The following BCO2 variants were observed in gnomAD, a reference collection of about 807,000 sequenced individuals.
BCO2 encodes carotenoid-cleaving dioxygenase, mitochondrial.
A neutral mutation model predicts 65.8 loss-of-function variants in BCO2; 56 were observed. That is an observed-to-expected ratio of 0.85 (90% CI 0.69 to 1.06). BCO2 has a LOEUF of 1.06. BCO2 is among the 50% of genes least tolerant of loss of function. The probability of loss-of-function intolerance (pLI) is 0.00; values close to 1 mark genes in which losing one functional copy is unlikely to be tolerated. For missense variants in BCO2, 675 were observed against 698.5 expected, an observed-to-expected ratio of 0.97 and a Z score of 0.38; for synonymous variants, 233 against 242.3, an observed-to-expected ratio of 0.96 and a Z score of 0.36.
chr11:112,213,688 A>G, intron 8 of BCO2, 36 bp from the exon 9 acceptor site: 1 of 1,601,470 alleles, frequency 6.2e-7, no homozygotes, highest in Non-Finnish European at 8.5e-7. Context: ...TTACCATATG[A>G]ATGACAATTT....
chr11:112,195,881 G>A (rs1867559735), intron 5 of BCO2, among the ~76,000 whole-genome samples: 1 of 152,218 alleles, frequency 6.6e-6, no homozygotes, highest in Non-Finnish European at 1.5e-5. Flanking sequence ...GAACTGAAAA[G>A]GGGCCAAGAA....
rs1249512722 is a variant in BCO2, at chr11:112,202,136, C to T, written c.1140C>T (p.Thr380=). 7 of 1,613,830 alleles carry T rather than the reference C, an allele frequency of 4.3e-6. No individual in the cohort carries two copies. Among genetic ancestry groups the T allele is most frequent in the Middle Eastern group, 1.6e-4 (1 of 6,062 alleles). Reference sequence around the variant, plus strand: ...TGTGCTGTCAAGATAATGGAAGAACCCTAGAAGTTTACCAGTTACAGAATC... The same window carrying T: ...TGTGCTGTCAAGATAATGGAAGAACTCTAGAAGTTTACCAGTTACAGAATC... ...IDLCCQDNGR[T]LEVYQLQNLR... The change falls in exon 8 of 12, where the codon ACC becomes ACT. Residue 380 remains threonine (T), a synonymous_variant. Coordinates refer to ENST00000357685, the MANE Select transcript of BCO2 (RefSeq NM_031938.7).
chr11:112,207,996 G>C (rs1055223560), intron 8 of BCO2, among the ~76,000 whole-genome samples: 1 of 145,984 alleles, frequency 6.9e-6, no homozygotes, highest in Non-Finnish European at 1.5e-5. Context: ...GTCTCACTCT[G>C]TCACCAAGGC....
At position 112,175,526 on chromosome 11, in the gene BCO2, G is replaced by A; in HGVS notation, c.-76G>A. On this transcript the variant is annotated 5_prime_UTR_variant, in exon 1 of 12. In the 5' UTR this introduces an upstream ATG that the reference lacks. Coordinates refer to ENST00000357685, the MANE Select transcript of BCO2 (RefSeq NM_031938.7). ...AGGGACAGTCCAGGCAGTTCTGTGC[G>A]TGTTCACTGTTTAGTAGTACTCAAA... The A allele has an allele frequency of 9.5e-7, 1 of 1,050,608 alleles. No homozygotes were observed. Among genetic ancestry groups the A allele is most frequent in the Non-Finnish European group, 1.5e-6 (1 of 674,670 alleles). 65.1% of individuals were successfully genotyped at this position (1,050,608 alleles called of 1,614,324 possible). A position where few individuals can be genotyped will look rare whatever the true frequency, so the allele number is the denominator to read the frequency against.
chr11:112,211,912 C>T (rs1477321234), intron 8 of BCO2, among the ~76,000 whole-genome samples: 2 of 152,120 alleles, frequency 1.3e-5, no homozygotes, highest in Non-Finnish European at 2.9e-5. Context: ...GTAGTTGATC[C>T]ATATAATGTA....
At chr11:112,192,657 C>T (rs1867423678) in intron 2 of BCO2, among the ~76,000 whole-genome samples, 2 of 146,514 alleles carry the variant, frequency 1.4e-5, no homozygotes, top group African/African-American at 5.0e-5. Flanking sequence ...AGCTTAGGAA[C>T]TTGTTCTTTT....
chr11:112,181,569 T>C (rs1260255905), intron 2 of BCO2: 1 of 753,080 alleles, frequency 1.3e-6, no homozygotes, highest in African/African-American at 1.7e-5. Flanking sequence ...ATGATAGCAT[T>C]AATTTATTAG....
At chr11:112,191,009 T>C (rs1254743235) in intron 2 of BCO2, among the ~76,000 whole-genome samples, 1 of 150,674 alleles carries the variant, frequency 6.6e-6, no homozygotes, top group Non-Finnish European at 1.5e-5. Context: ...TCTCTATCTA[T>C]TATATCTTGG....
chr11:112,210,667 C>A (rs528384803), intron 8 of BCO2, among the ~76,000 whole-genome samples: 2 of 152,074 alleles, frequency 1.3e-5, no homozygotes, highest in South Asian at 4.1e-4. Flanking sequence ...CGTGAAGGAT[C>A]CTTGTGGTGA....
At chr11:112,217,170 G>A (rs1388095177) in intron 11 of BCO2, among the ~76,000 whole-genome samples, 1 of 152,234 alleles carries the variant, frequency 6.6e-6, no homozygotes, top group Non-Finnish European at 1.5e-5. Flanking sequence ...AAGAAATTCT[G>A]TGAAGGTGAT....
At chr11:112,212,663 C>T (rs191188002) in intron 8 of BCO2, among the ~76,000 whole-genome samples, 15 of 152,274 alleles carry the variant, frequency 9.9e-5, no homozygotes, top group Non-Finnish European at 2.1e-4. Context: ...GAACTAGTGA[C>T]AACATGTGTA....
intron 7 of BCO2, 88 bp from the exon 8 acceptor site, chr11:112,201,935 T>C (rs2135381681): frequency 5.9e-6 from 7 of 1,180,428 alleles, no homozygotes; most frequent in Non-Finnish European, 8.2e-6. Context: ...TTTCTTATTT[T>C]GAACTTTTTG....
chr11:112,207,398 G>T (rs929326558), intron 8 of BCO2, among the ~76,000 whole-genome samples: 1 of 151,938 alleles, frequency 6.6e-6, no homozygotes, highest in Non-Finnish European at 1.5e-5. Context: ...TGACTTATAC[G>T]TTGTACATCT....
intron 2 of BCO2, among the ~76,000 whole-genome samples, chr11:112,186,918 C>T (rs925128931): frequency 6.6e-6 from 1 of 152,158 alleles, no homozygotes; most frequent in African/African-American, 2.4e-5. Context: ...TAGTCTCTAC[C>T]ATTCTCTAGA....
At chr11:112,214,204 T>TA (rs1384767403) in intron 9 of BCO2, among the ~76,000 whole-genome samples, 1 of 152,090 alleles carries the variant, frequency 6.6e-6, no homozygotes, top group Non-Finnish European at 1.5e-5. Flanking sequence ...TGGAGTGCAG[T>TA]GGTGCTATCT....
chr11:112,209,824 A>G (rs1859458499), intron 8 of BCO2, among the ~76,000 whole-genome samples: 1 of 151,930 alleles, frequency 6.6e-6, no homozygotes, highest in African/African-American at 2.4e-5. Flanking sequence ...GTCGCATTTT[A>G]TTTGCTTTTA....
chr11:112,201,078 C>T (rs1350540615), intron 7 of BCO2, among the ~76,000 whole-genome samples: 3 of 152,040 alleles, frequency 2.0e-5, no homozygotes, highest in Non-Finnish European at 2.9e-5. Context: ...GGGTGTTGTT[C>T]GTGCAGAAAT....
At chr11:112,202,287 C>G (rs1458862685) in intron 8 of BCO2, 97 bp downstream of exon 8, 1 of 1,153,144 alleles carries the variant, frequency 8.7e-7, no homozygotes, top group African/African-American at 1.6e-5. Flanking sequence ...CTCTCTCTCT[C>G]TCTTTTTTCT....
chr11:112,210,705 T>G (rs1308295047), intron 8 of BCO2, among the ~76,000 whole-genome samples: 1 of 151,964 alleles, frequency 6.6e-6, no homozygotes, highest in Non-Finnish European at 1.5e-5. Context: ...TTGAGTGGCG[T>G]GGTGGGTACA....
Sources: gnomAD v4.1 joint callset for allele counts (sites outside exome capture counted in the v4.1 genomes callset) on GRCh38, gnomAD v4.1.1 for gene constraint, MANE v1.5 for transcripts, NCBI Gene and HGNC (gene_info 2026-07-23, HGNC 2026-07-21) for gene names.